The following CHSY3 variants were observed in gnomAD, a reference collection of about 807,000 sequenced individuals.
CHSY3 encodes N-acetylgalactosaminyl-proteoglycan 3-beta-glucuronosyltransferase 3.
CHSY3 carries 35 observed loss-of-function variants against 67.2 expected under a neutral mutation model. That is an observed-to-expected ratio of 0.52 (90% confidence interval 0.40 to 0.69). CHSY3 has a LOEUF of 0.69. Among genes scored for constraint, CHSY3 ranks in the 30% least tolerant of loss-of-function variants. The probability of loss-of-function intolerance (pLI) is 0.00; values close to 1 mark genes in which losing one functional copy is unlikely to be tolerated. For missense variants in CHSY3, 1,069 were observed against 1,138.5 expected, an observed-to-expected ratio of 0.94 and a Z score of 0.88; for synonymous variants, 474 against 434.7, an observed-to-expected ratio of 1.09 and a Z score of -1.12.
At chr5:129,999,262 TG>T (rs979002903) in intron 2 of CHSY3, among the ~76,000 whole-genome samples, 1 of 152,084 alleles carries the variant, frequency 6.6e-6, no homozygotes, top group Non-Finnish European at 1.5e-5. Flanking sequence ...CCCAACCTTT[TG>T]TGAAAATTGA....
intron 2 of CHSY3, among the ~76,000 whole-genome samples, chr5:130,020,419 C>CAAAAAAA (rs1764334721): frequency 1.3e-5 from 1 of 74,678 alleles, no homozygotes; most frequent in African/African-American, 5.1e-5. Context: ...GACTTCATCT[C>CAAAAAAA]AAAATATATA....
chr5:130,078,377 G>T (rs547174231), intron 2 of CHSY3, among the ~76,000 whole-genome samples: 1 of 152,038 alleles, frequency 6.6e-6, no homozygotes, highest in African/African-American at 2.4e-5. Context: ...GTGAGTACTT[G>T]CCTATAGAAC....
chr5:130,018,054 G>T (rs1470996699), intron 2 of CHSY3, among the ~76,000 whole-genome samples: 1 of 152,174 alleles, frequency 6.6e-6, no homozygotes, highest in Non-Finnish European at 1.5e-5. Flanking sequence ...AAAGTAGGTT[G>T]TAGAGGTACG....
intron 2 of CHSY3, among the ~76,000 whole-genome samples, chr5:129,923,634 AGG>A (rs1760997028): frequency 6.6e-6 from 1 of 152,210 alleles, no homozygotes; most frequent in Non-Finnish European, 1.5e-5. Context: ...CAGATGTCTG[AGG>A]GAGAAGCTTT....
Position 129,999,629 on chromosome 5 carries a change from C to A in CHSY3, c.1086+91269C>A, listed in dbSNP as rs534302187. Among the ~76,000 whole-genome samples the A allele has an allele frequency of 2.0e-5, 3 of 152,260 alleles. No individual in the cohort carries two copies. The South Asian group carries it at 6.2e-4, about 32-fold the overall frequency. The stretch of plus-strand genomic sequence containing the variant: ...CCCTATAGTCTCATTTTGTCCTATT[C>A]TCTTCCTCATTCAGATTGCTCCAGC... On this transcript the variant is annotated intron_variant, in intron 2 of 2. Transcript: ENST00000305031.
At chr5:130,032,890 G>A (rs184841850) in intron 2 of CHSY3, among the ~76,000 whole-genome samples, 123 of 152,270 alleles carry the variant, frequency 8.1e-4, no homozygotes, top group Middle Eastern at 6.8e-3. Context: ...AGACAGCCAC[G>A]TAGACCAGAC....
intron 2 of CHSY3, among the ~76,000 whole-genome samples, chr5:130,175,996 C>T (rs1325552361): frequency 1.3e-5 from 2 of 152,080 alleles, no homozygotes; most frequent in African/African-American, 2.4e-5. Flanking sequence ...CCAAAATTGA[C>T]AAATGGGATC....
At chr5:130,146,777 G>GT (rs145453278) in intron 2 of CHSY3, among the ~76,000 whole-genome samples, 15,402 of 151,562 alleles carry the variant, frequency 0.1, 1,402 homozygotes, top group East Asian at 0.31. Context: ...ATTTTCATTT[G>GT]TTTTTTGTTT....
intron 2 of CHSY3, among the ~76,000 whole-genome samples, chr5:130,114,701 A>G (rs553430119): frequency 6.6e-6 from 1 of 152,332 alleles, no homozygotes; most frequent in Non-Finnish European, 1.5e-5. Context: ...TATGCCTAAA[A>G]CAAAAAGCTT....
chr5:130,094,904 T>C (rs1697684207), intron 2 of CHSY3, among the ~76,000 whole-genome samples: 1 of 152,066 alleles, frequency 6.6e-6, no homozygotes, highest in South Asian at 2.1e-4. Flanking sequence ...AGTAATATGT[T>C]TGTATACTAG....
chr5:130,161,184 G>A (rs1313832726), intron 2 of CHSY3, among the ~76,000 whole-genome samples: 2 of 152,088 alleles, frequency 1.3e-5, no homozygotes, highest in African/African-American at 2.4e-5. Flanking sequence ...GATTACAGGC[G>A]TGAGCCACCA....
chr5:129,929,481 C>T (rs1455101177), intron 2 of CHSY3, among the ~76,000 whole-genome samples: 1 of 152,032 alleles, frequency 6.6e-6, no homozygotes, highest in East Asian at 2.0e-4. Context: ...TGGGCACACA[C>T]ATCACACTAG....
chr5:130,160,173 A>C (rs1769489287), intron 2 of CHSY3, among the ~76,000 whole-genome samples: 2 of 152,176 alleles, frequency 1.3e-5, no homozygotes, highest in African/African-American at 4.8e-5. Flanking sequence ...ATTCATAGAA[A>C]GATTATGTAA....
At chr5:129,991,623 G>T (rs1375166362) in intron 2 of CHSY3, among the ~76,000 whole-genome samples, 2 of 152,100 alleles carry the variant, frequency 1.3e-5, no homozygotes, top group African/African-American at 4.8e-5. Flanking sequence ...GTCTGCCACT[G>T]TTACAATTAT....
chr5:129,914,169 G>C (rs980086442), intron 2 of CHSY3, among the ~76,000 whole-genome samples: 1 of 152,016 alleles, frequency 6.6e-6, no homozygotes, highest in Non-Finnish European at 1.5e-5. Context: ...GGAGTGCAAT[G>C]CTGCAATCTT....
At chr5:130,178,227 TTATATATATA>T (rs1554088379) in intron 2 of CHSY3, among the ~76,000 whole-genome samples, 5 of 65,838 alleles carry the variant, frequency 7.6e-5, no homozygotes, top group Non-Finnish European at 1.3e-4. Context: ...ATATTTATAT[TTATATATATA>T]TATATATATA....
At chr5:130,141,310 C>T (rs1768858442) in intron 2 of CHSY3, 2 of 395,338 alleles carry the variant, frequency 5.1e-6, no homozygotes, top group Non-Finnish European at 1.0e-5. Flanking sequence ...ACCTCATTAC[C>T]TACTTTGACA....
intron 2 of CHSY3, among the ~76,000 whole-genome samples, chr5:130,138,522 A>G (rs1768747287): frequency 6.6e-6 from 1 of 152,220 alleles, no homozygotes; most frequent in Non-Finnish European, 1.5e-5. Context: ...GAGGTGGGCT[A>G]CAGGCAAGAA....
chr5:129,993,158 G>T (rs922859844), intron 2 of CHSY3, among the ~76,000 whole-genome samples: 2 of 152,086 alleles, frequency 1.3e-5, no homozygotes, highest in Non-Finnish European at 2.9e-5. Context: ...ACATGCTCAA[G>T]TTTATATGGC....
Sources: gnomAD v4.1 joint callset for allele counts (sites outside exome capture counted in the v4.1 genomes callset) on GRCh38, gnomAD v4.1.1 for gene constraint, MANE v1.5 for transcripts, NCBI Gene and HGNC (gene_info 2026-07-23, HGNC 2026-07-21) for gene names.